Variants in HMGCLL1 observed in about 807,000 individuals in gnomAD.
HMGCLL1 encodes 3-hydroxymethyl-3-methylglutaryl-CoA lyase, cytoplasmic.
A neutral mutation model predicts 39.1 loss-of-function variants in HMGCLL1; 36 were observed. That is an observed-to-expected ratio of 0.92 (90% confidence interval 0.71 to 1.22). The LOEUF is 1.22. HMGCLL1 is among the 50% of genes most tolerant of loss of function. HMGCLL1 has a pLI of 0.00. For missense variants in HMGCLL1, 451 were observed against 416.5 expected (o/e 1.08, Z -0.72); for synonymous variants, 149 against 144.0 (o/e 1.03, Z -0.25).
chr6:55,577,570 A>C (rs535282036), intron 1 of HMGCLL1, among the ~76,000 whole-genome samples: 1 of 152,316 alleles, frequency 6.6e-6, no homozygotes, highest in East Asian at 1.9e-4. Context: ...CAAATAAGAC[A>C]TCCTTACCTG....
At chr6:55,470,619 G>A (rs950873897) in intron 7 of HMGCLL1, among the ~76,000 whole-genome samples, 1 of 151,622 alleles carries the variant, frequency 6.6e-6, no homozygotes, top group Non-Finnish European at 1.5e-5. Flanking sequence ...ACAATAAAAT[G>A]AACATAATTT....
At chr6:55,626,203 C>T in the HMGCLL1 span, among the ~76,000 whole-genome samples, 2 of 152,136 alleles carry the variant, frequency 1.3e-5, no homozygotes, top group Admixed American at 6.5e-5. Context: ...GGTTTGTCCT[C>T]ACAGGAATAG....
At chr6:55,677,655 G>A in the HMGCLL1 span, among the ~76,000 whole-genome samples, 3 of 152,040 alleles carry the variant, frequency 2.0e-5, no homozygotes, top group African/African-American at 7.2e-5. Context: ...CCTACATTAG[G>A]GTGATACCTG....
the HMGCLL1 span, among the ~76,000 whole-genome samples, chr6:55,587,378 G>T: frequency 6.6e-5 from 10 of 152,044 alleles, no homozygotes; most frequent in South Asian, 2.1e-3. Flanking sequence ...GAGAGATTTT[G>T]TCACCACCAG....
At chr6:55,556,423 C>T (rs1048667682) in intron 1 of HMGCLL1, among the ~76,000 whole-genome samples, 7 of 152,102 alleles carry the variant, frequency 4.6e-5, no homozygotes, top group African/African-American at 1.7e-4. Flanking sequence ...GCACAATGTT[C>T]TGTGAGTTGA....
At chr6:55,506,986 G>A (rs1347913044) in intron 5 of HMGCLL1, among the ~76,000 whole-genome samples, 1 of 151,754 alleles carries the variant, frequency 6.6e-6, no homozygotes, top group Non-Finnish European at 1.5e-5. Context: ...CACAGCATGT[G>A]ATAAGCTCTT....
the HMGCLL1 span, among the ~76,000 whole-genome samples, chr6:55,624,398 G>A: frequency 6.6e-6 from 1 of 152,166 alleles, no homozygotes; most frequent in Non-Finnish European, 1.5e-5. Flanking sequence ...CCATTGACTT[G>A]ACAAATATCT....
the HMGCLL1 span, among the ~76,000 whole-genome samples, chr6:55,618,005 C>T: frequency 6.6e-6 from 1 of 151,870 alleles, no homozygotes; most frequent in Non-Finnish European, 1.5e-5. Flanking sequence ...ACACATGAAG[C>T]AAGTTCGAAA....
chr6:55,438,521 G>A (rs527253767), intron 8 of HMGCLL1, among the ~76,000 whole-genome samples: 31 of 152,134 alleles, frequency 2.0e-4, no homozygotes, highest in African/African-American at 7.0e-4. Context: ...GATGCCAGAC[G>A]GCTTATTTTT....
chr6:55,627,049 G>GAAAA, the HMGCLL1 span, among the ~76,000 whole-genome samples: 60 of 85,810 alleles, frequency 7.0e-4, 1 homozygote, highest in African/African-American at 8.6e-4. Flanking sequence ...CACTCCACCA[G>GAAAA]AAAAAAAAAA....
chr6:55,584,565 T>G, the HMGCLL1 span, among the ~76,000 whole-genome samples: 1 of 152,096 alleles, frequency 6.6e-6, no homozygotes, highest in Admixed American at 6.6e-5. Context: ...AGGAGGGATT[T>G]GTGTTTCAGA....
chr6:55,499,157 T>C (rs1167724484), intron 6 of HMGCLL1, 79 bp downstream of exon 6: 1 of 1,151,036 alleles, frequency 8.7e-7, no homozygotes, highest in Non-Finnish European at 1.3e-6. Flanking sequence ...GCAGATTCAA[T>C]AAATATTAAG....
chr6:55,569,789 G>A (rs1771385911), intron 1 of HMGCLL1, among the ~76,000 whole-genome samples: 1 of 152,158 alleles, frequency 6.6e-6, no homozygotes, highest in Non-Finnish European at 1.5e-5. Flanking sequence ...TATCTCTTAT[G>A]AAACACCAAG....
At chr6:55,586,975 A>G in the HMGCLL1 span, among the ~76,000 whole-genome samples, 1 of 152,044 alleles carries the variant, frequency 6.6e-6, no homozygotes, top group Non-Finnish European at 1.5e-5. Flanking sequence ...CGCCACACTG[A>G]CTTCCACAAT....
the HMGCLL1 span, among the ~76,000 whole-genome samples, chr6:55,667,517 C>T: frequency 6.6e-6 from 1 of 151,644 alleles, no homozygotes; most frequent in Admixed American, 6.6e-5. Flanking sequence ...TGACAAGAAA[C>T]GGTACAAAGG....
intron 8 of HMGCLL1, 102 bp from the exon 9 acceptor site, chr6:55,435,865 A>G (rs1763349851): frequency 1.2e-5 from 6 of 518,578 alleles, no homozygotes; most frequent in Non-Finnish European, 2.0e-5. Flanking sequence ...TAACCATTTA[A>G]AATTACTAAA....
chr6:55,477,314 A>ATTTATATAATATATAAT (rs1765447355), intron 7 of HMGCLL1, among the ~76,000 whole-genome samples: 1 of 16,776 alleles, frequency 6.0e-5, no homozygotes, highest in African/African-American at 4.5e-4. Context: ...TTATATATAT[A>ATTTATATAATATATAAT]ATATATATTA....
chr6:55,651,827 G>A, the HMGCLL1 span, among the ~76,000 whole-genome samples: 1 of 152,068 alleles, frequency 6.6e-6, no homozygotes, highest in African/African-American at 2.4e-5. Context: ...CCATGTACAG[G>A]TGCTGGCTTA....
chr6:55,658,358 A>G, the HMGCLL1 span, among the ~76,000 whole-genome samples: 2 of 151,982 alleles, frequency 1.3e-5, no homozygotes, highest in Non-Finnish European at 2.9e-5. Context: ...CCCAACAAAA[A>G]TATCATCTCT....
Sources: allele counts gnomAD v4.1 joint callset (sites outside exome capture counted in the v4.1 genomes callset), GRCh38; gene constraint gnomAD v4.1.1; transcripts MANE v1.5; gene names NCBI Gene and HGNC (gene_info 2026-07-23, HGNC 2026-07-21).